Variants in LRCH1 observed in about 807,000 individuals in gnomAD.
The protein encoded by LRCH1 is leucine-rich repeat and calponin homology domain-containing protein 1.
Under a neutral mutation model 94.9 loss-of-function variants are expected in LRCH1, and 23 were observed. That is an observed-to-expected ratio of 0.24 (90% CI 0.17 to 0.34). LRCH1 has a LOEUF of 0.34. Among genes scored for constraint, LRCH1 ranks in the 10% least tolerant of loss-of-function variants. LRCH1 has a pLI of 1.00. For missense variants in LRCH1, 790 were observed against 945.9 expected (o/e 0.84, Z 2.16); for synonymous variants, 364 against 354.9 (o/e 1.03, Z -0.29).
chr13:46,602,244 A>G (rs1321374315), intron 1 of LRCH1, among the ~76,000 whole-genome samples: 1 of 152,254 alleles, frequency 6.6e-6, no homozygotes, highest in Admixed American at 6.5e-5. Context: ...TTTGGACATT[A>G]GAAGGATCTT....
chr13:46,593,155 A>C lies in LRCH1; in HGVS notation c.307+39452A>C, dbSNP rs577459946. Among the ~76,000 whole-genome samples the C allele has an allele frequency of 3.3e-5, 5 of 151,990 alleles. No homozygotes were observed. In the South Asian group the frequency reaches 1.0e-3, roughly 32 times the overall value. On this transcript the variant is annotated intron_variant, in intron 1 of 19. Transcript: ENST00000389797. ...TGTAGGCTTTGAATCATCAAAAAGT[A>C]TTAAGTGATGTTCAGTACTTCCATT...
intron 2 of LRCH1, among the ~76,000 whole-genome samples, chr13:46,668,503 A>C (rs1324705434): frequency 6.6e-6 from 1 of 152,232 alleles, no homozygotes; most frequent in South Asian, 2.1e-4. Flanking sequence ...GTTGGAAATG[A>C]GCCCGGTGGT....
At chr13:46,570,191 G>C (rs1262319838) in intron 1 of LRCH1, among the ~76,000 whole-genome samples, 1 of 152,198 alleles carries the variant, frequency 6.6e-6, no homozygotes, top group Non-Finnish European at 1.5e-5. Context: ...GGCTCAGAGA[G>C]AAATGCCTGA....
chr13:46,687,366 A>G (rs1478689383), intron 5 of LRCH1, among the ~76,000 whole-genome samples: 1 of 152,158 alleles, frequency 6.6e-6, no homozygotes, highest in Non-Finnish European at 1.5e-5. Flanking sequence ...AAACTGCATG[A>G]GAGAAAAATG....
At chr13:46,569,299 C>T (rs1429407332) in intron 1 of LRCH1, among the ~76,000 whole-genome samples, 1 of 152,192 alleles carries the variant, frequency 6.6e-6, no homozygotes, top group Non-Finnish European at 1.5e-5. Flanking sequence ...TCTTATTTCT[C>T]CTCTGAGCCT....
intron 17 of LRCH1, among the ~76,000 whole-genome samples, chr13:46,726,862 CA>C (rs71077918): frequency 0.076 from 5,932 of 77,578 alleles, 140 homozygotes; most frequent in African/African-American, 0.15. Context: ...AGAGCAGTGT[CA>C]AAAAAAAAAA....
At chr13:46,646,426 C>A (rs2138071920) in intron 1 of LRCH1, among the ~76,000 whole-genome samples, 1 of 152,314 alleles carries the variant, frequency 6.6e-6, no homozygotes, top group African/African-American at 2.4e-5. Context: ...AGCCAGAGAT[C>A]CTCTCTCCAG....
chr13:46,728,423 C>A (rs1445984053), intron 17 of LRCH1, among the ~76,000 whole-genome samples: 1 of 152,034 alleles, frequency 6.6e-6, no homozygotes, highest in East Asian at 1.9e-4. Context: ...ACCATGTTGG[C>A]CAGGCTGGCC....
chr13:46,600,528 C>T (rs2050615866), intron 1 of LRCH1, among the ~76,000 whole-genome samples: 1 of 151,922 alleles, frequency 6.6e-6, no homozygotes, highest in Non-Finnish European at 1.5e-5. Context: ...GAATTTACTG[C>T]TGAGCCTAAG....
At position 46,742,772 on chromosome 13, in the gene LRCH1, C is replaced by G. The variant is rs1484010623; in HGVS notation, c.*924C>G. On this transcript the variant is annotated 3_prime_UTR_variant, in exon 20 of 20. Coordinates refer to ENST00000389797, the MANE Select transcript of LRCH1 (RefSeq NM_001164211.2). ...ATTCATTTTCAAATAAAGCCATGAGCCGTGGAACATTCTTGGTCCTGGTGC... is the reference window on the plus strand; with the variant it reads ...ATTCATTTTCAAATAAAGCCATGAGGCGTGGAACATTCTTGGTCCTGGTGC... 5.1e-6 allele frequency: 5 copies of G among 985,268 alleles called. No individual in the cohort carries two copies. Among genetic ancestry groups the G allele is most frequent in the Non-Finnish European group, 6.0e-6 (5 of 829,942 alleles). The allele number at this position is 985,268 out of a possible 1,614,324, so 61.0% of individuals were successfully genotyped here.
intron 1 of LRCH1, among the ~76,000 whole-genome samples, chr13:46,649,077 C>T (rs192836120): frequency 1.1e-4 from 16 of 152,248 alleles, no homozygotes; most frequent in Admixed American, 7.8e-4. Flanking sequence ...TGTTAGAATT[C>T]TCCCTCTGAA....
chr13:46,729,265 C>T (rs969854645), intron 18 of LRCH1, among the ~76,000 whole-genome samples: 3 of 152,044 alleles, frequency 2.0e-5, no homozygotes, highest in African/African-American at 7.2e-5. Context: ...TGGGCGGGCA[C>T]GGTGGCTCAC....
intron 3 of LRCH1, among the ~76,000 whole-genome samples, chr13:46,679,600 A>G (rs1156837528): frequency 1.3e-5 from 2 of 152,022 alleles, no homozygotes; most frequent in African/African-American, 4.8e-5. Flanking sequence ...TTTTGTTTTA[A>G]ACACTGGAAG....
chr13:46,632,068 T>A (rs2051024381), intron 1 of LRCH1, among the ~76,000 whole-genome samples: 1 of 152,100 alleles, frequency 6.6e-6, no homozygotes, highest in South Asian at 2.1e-4. Flanking sequence ...CTCCGTATAG[T>A]GGTGCATGCC....
intron 16 of LRCH1, among the ~76,000 whole-genome samples, chr13:46,716,772 C>T (rs76184938): frequency 3.9e-5 from 6 of 151,946 alleles, no homozygotes; most frequent in Admixed American, 1.3e-4. Context: ...AATTTTTAAA[C>T]GGAAAATAAA....
chr13:46,633,761 G>A (rs187613891), intron 1 of LRCH1, among the ~76,000 whole-genome samples: 3 of 152,136 alleles, frequency 2.0e-5, no homozygotes, highest in African/African-American at 4.8e-5. Context: ...CAATCTGGTG[G>A]TCAACATACT....
intron 1 of LRCH1, among the ~76,000 whole-genome samples, chr13:46,600,652 C>CAT (rs2050617903): frequency 6.6e-6 from 1 of 150,638 alleles, no homozygotes; most frequent in Admixed American, 6.6e-5. Context: ...CACACACACA[C>CAT]ACAGAACCTG....
At chr13:46,581,208 A>G (rs1485130344) in intron 1 of LRCH1, among the ~76,000 whole-genome samples, 1 of 152,032 alleles carries the variant, frequency 6.6e-6, no homozygotes, top group Non-Finnish European at 1.5e-5. Flanking sequence ...CATTTCTTTC[A>G]TTGCCTGGAT....
intron 1 of LRCH1, among the ~76,000 whole-genome samples, chr13:46,617,850 C>T (rs1174157940): frequency 6.6e-6 from 1 of 152,062 alleles, no homozygotes; most frequent in Non-Finnish European, 1.5e-5. Context: ...GTGCCATTTC[C>T]TCATTTTGCT....
Sources: gnomAD v4.1 joint callset for allele counts (sites outside exome capture counted in the v4.1 genomes callset) on GRCh38, gnomAD v4.1.1 for gene constraint, MANE v1.5 for transcripts, NCBI Gene and HGNC (gene_info 2026-07-23, HGNC 2026-07-21) for gene names.